Variants in HOMER1 observed in about 807,000 individuals in gnomAD.
HOMER1 encodes the protein homer protein homolog 1.
A neutral mutation model predicts 48.9 loss-of-function variants in HOMER1; 3 were observed. That is an observed-to-expected ratio of 0.06 (90% CI 0.03 to 0.16). The LOEUF is 0.16. Among genes scored for constraint, HOMER1 ranks in the 10% least tolerant of loss-of-function variants. The pLI is 1.00. For missense variants in HOMER1, 247 were observed against 411.4 expected, an observed-to-expected ratio of 0.60 and a Z score of 3.46; for synonymous variants, 134 against 146.4, an observed-to-expected ratio of 0.92 and a Z score of 0.61.
intron 1 of HOMER1, among the ~76,000 whole-genome samples, chr5:79,500,993 C>CACACACACACACA (rs1408324948): frequency 4.1e-5 from 6 of 145,778 alleles, no homozygotes; most frequent in Admixed American, 2.7e-4. Flanking sequence ...CACACACACA[C>CACACACACACACA]AAGGTCTGGC....
At chr5:79,507,364 T>C (rs965238556) in intron 1 of HOMER1, among the ~76,000 whole-genome samples, 6 of 152,180 alleles carry the variant, frequency 3.9e-5, no homozygotes, top group African/African-American at 1.2e-4. Context: ...CCTTATCACA[T>C]GTAGATTCTT....
intron 5 of HOMER1, among the ~76,000 whole-genome samples, chr5:79,424,649 A>G (rs1159665472): frequency 6.6e-6 from 1 of 152,076 alleles, no homozygotes; most frequent in Non-Finnish European, 1.5e-5. Context: ...TTCTCATATG[A>G]CAACAAACCA....
chr5:79,383,957 A>G (rs1006736626), intron 8 of HOMER1, among the ~76,000 whole-genome samples: 3 of 152,174 alleles, frequency 2.0e-5, no homozygotes, highest in African/African-American at 7.2e-5. Context: ...ATTTTGAAAC[A>G]AAACAGAAAT....
chr5:79,483,753 T>TAAA (rs70975754), intron 1 of HOMER1, among the ~76,000 whole-genome samples: 40 of 133,886 alleles, frequency 3.0e-4, no homozygotes, highest in African/African-American at 8.5e-4. Flanking sequence ...ACCGTTTAAG[T>TAAA]AAAAAAAAAA....
At chr5:79,454,747 A>C (rs1164146624) in intron 2 of HOMER1, among the ~76,000 whole-genome samples, 1 of 152,206 alleles carries the variant, frequency 6.6e-6, no homozygotes, top group Non-Finnish European at 1.5e-5. Context: ...CAGAAAAAAC[A>C]GACAAAAAGT....
chr5:79,474,377 T>C (rs1327970747), intron 1 of HOMER1, among the ~76,000 whole-genome samples: 1 of 151,914 alleles, frequency 6.6e-6, no homozygotes, highest in Non-Finnish European at 1.5e-5. Context: ...AAGACTAAAT[T>C]CTTTCCCCCT....
intron 1 of HOMER1, among the ~76,000 whole-genome samples, chr5:79,477,500 T>TATGGATTTTTTTTAGATCACAA (rs1751815311): frequency 6.6e-6 from 1 of 152,240 alleles, no homozygotes; most frequent in Admixed American, 6.5e-5. Flanking sequence ...GGCCATTGGA[T>TATGGATTTTTTTTAGATCACAA]ATGGATTTTT....
Position 79,470,238 on chromosome 5 carries a change from C to T in HOMER1, c.6-13220G>A, listed in dbSNP as rs188807571. On this transcript the variant is annotated intron_variant, in intron 1 of 8. Coordinates refer to ENST00000334082, the MANE Select transcript of HOMER1 (RefSeq NM_004272.5). ...AGGTCACAATCCAGGGAGTCATGAT[C>T]AATCTACTGGTCAACAAGGGGTATT... Among the ~76,000 whole-genome samples the T allele has an allele frequency of 1.4e-4, 22 of 152,222 alleles. No homozygotes were observed. The East Asian group carries it at 3.9e-3, about 27-fold the overall frequency.
chr5:79,448,499 G>A (rs1750946173), intron 3 of HOMER1, among the ~76,000 whole-genome samples: 1 of 152,046 alleles, frequency 6.6e-6, no homozygotes, highest in African/African-American at 2.4e-5. Flanking sequence ...AACAATCCAA[G>A]CATAGCTGGA....
At chr5:79,410,036 G>T (rs1749773039) in intron 5 of HOMER1, among the ~76,000 whole-genome samples, 1 of 152,106 alleles carries the variant, frequency 6.6e-6, no homozygotes, top group South Asian at 2.1e-4. Flanking sequence ...GTGAGGCAGG[G>T]TCTCAAATAA....
At chr5:79,421,773 T>A (rs1750107199) in intron 5 of HOMER1, among the ~76,000 whole-genome samples, 1 of 151,870 alleles carries the variant, frequency 6.6e-6, no homozygotes, top group Non-Finnish European at 1.5e-5. Context: ...CCCAGCTAAT[T>A]TTTTTGTATT....
intron 1 of HOMER1, among the ~76,000 whole-genome samples, chr5:79,484,456 T>C (rs1335252299): frequency 1.3e-5 from 2 of 152,138 alleles, no homozygotes; most frequent in East Asian, 1.9e-4. Flanking sequence ...CTAGGTGCCA[T>C]GGCATTTGCC....
intron 1 of HOMER1, among the ~76,000 whole-genome samples, chr5:79,490,621 A>G (rs1225069148): frequency 6.6e-6 from 1 of 152,090 alleles, no homozygotes; most frequent in Non-Finnish European, 1.5e-5. Flanking sequence ...AAAAGAATCA[A>G]TGAAGTCAGA....
intron 5 of HOMER1, among the ~76,000 whole-genome samples, chr5:79,423,097 T>G (rs566929983): frequency 2.4e-4 from 36 of 152,274 alleles, no homozygotes; most frequent in South Asian, 6.2e-4. Flanking sequence ...ATGTCTACAA[T>G]ATTTCCAAGT....
rs10674187 is a variant in HOMER1 at position 79,502,021 on chromosome 5, A to ATTTTT, written c.5+10744_5+10748dup. On this transcript the variant is annotated intron_variant, in intron 1 of 8. Coordinates refer to ENST00000334082, the MANE Select transcript of HOMER1 (RefSeq NM_004272.5). ...GTAAGAACAGTAACAGGTCCTGATA[A>ATTTTT]TTTTTTTTTTTTTTTTTTTGAGACA... Among the ~76,000 whole-genome samples, 47 of 130,048 alleles carry ATTTTT rather than the reference A, an allele frequency of 3.6e-4. 1 individual carries two copies. The highest frequency in any genetic ancestry group is 5.2e-4 in the Non-Finnish European group (33 of 63,686). 85.3% of individuals were successfully genotyped at this position (130,048 alleles called of 152,430 possible).
At chr5:79,491,567 T>TTGTTATGAGTTACTG (rs1395537760) in intron 1 of HOMER1, among the ~76,000 whole-genome samples, 14 of 152,014 alleles carry the variant, frequency 9.2e-5, no homozygotes, top group African/African-American at 3.1e-4. Context: ...GTCACATGTG[T>TTGTTATGAGTTACTG]TGTTATGAGT....
chr5:79,487,980 G>A (rs1256641239), intron 1 of HOMER1, among the ~76,000 whole-genome samples: 1 of 152,190 alleles, frequency 6.6e-6, no homozygotes, highest in Non-Finnish European at 1.5e-5. Flanking sequence ...GGTGATGAAT[G>A]TATAGGGGTT....
At chr5:79,389,908 GGAGA>G (rs1443440204) in intron 8 of HOMER1, among the ~76,000 whole-genome samples, 7 of 152,092 alleles carry the variant, frequency 4.6e-5, no homozygotes, top group Non-Finnish European at 7.4e-5. Context: ...CAAAAAACAG[GGAGA>G]GAAAGAGAAA....
chr5:79,491,104 A>AAAAAAC (rs1752262422), intron 1 of HOMER1, among the ~76,000 whole-genome samples: 1 of 124,442 alleles, frequency 8.0e-6, no homozygotes, highest in Non-Finnish European at 1.6e-5. Flanking sequence ...AAAAAAAAAA[A>AAAAAAC]AAAAAAGCTT....
Sources: allele counts gnomAD v4.1 joint callset (sites outside exome capture counted in the v4.1 genomes callset), GRCh38; gene constraint gnomAD v4.1.1; transcripts MANE v1.5; gene names NCBI Gene and HGNC (gene_info 2026-07-23, HGNC 2026-07-21).